GSN: variants seen among roughly 807,000 people sequenced by gnomAD.
GSN encodes the protein gelsolin.
In GSN, 56 loss-of-function variants were observed where a neutral mutation model predicts 85.7. That is an observed-to-expected ratio of 0.65 (90% CI 0.53 to 0.82). GSN has a LOEUF of 0.82. Among genes scored for constraint, GSN ranks in the 40% least tolerant of loss-of-function variants. The pLI is 0.00. For synonymous variants in GSN, 373 were observed against 399.1 expected, an observed-to-expected ratio of 0.93 and a Z score of 0.78; for missense variants, 857 against 979.8, an observed-to-expected ratio of 0.87 and a Z score of 1.67.
intron 4 of GSN, among the ~76,000 whole-genome samples, chr9:121,230,789 T>C (rs1414353526): frequency 6.6e-6 from 1 of 152,210 alleles, no homozygotes; most frequent in East Asian, 1.9e-4. Context: ...CTATTATTAT[T>C]ATTAAAATCT....
intron 4 of GSN, among the ~76,000 whole-genome samples, chr9:121,213,301 T>C (rs79253959): frequency 0.017 from 2,635 of 152,278 alleles, 66 homozygotes; most frequent in African/African-American, 0.058. Flanking sequence ...CCAAAAACTA[T>C]GGGGAAAACC....
upstream of GSN, among the ~76,000 whole-genome samples, chr9:121,206,395 G>A (rs2053882139): frequency 6.6e-6 from 1 of 152,032 alleles, no homozygotes; most frequent in African/African-American, 2.4e-5. Context: ...CTCTGGGTAT[G>A]AAAAAGGATT....
chr9:121,203,179 A>G (rs2053829359), upstream of GSN: 1 of 151,582 alleles, frequency 6.6e-6, no homozygotes, highest in Non-Finnish European at 1.5e-5. Flanking sequence ...TGCGCCTGTA[A>G]TCCTAGCTAC....
intron 2 of GSN, among the ~76,000 whole-genome samples, chr9:121,291,293 A>G (rs1273200123): frequency 1.3e-5 from 2 of 152,052 alleles, no homozygotes; most frequent in African/African-American, 4.8e-5. Context: ...ATACTGTACT[A>G]TGCCATTTTA....
At chr9:121,227,683 T>G (rs180939984) in intron 4 of GSN, among the ~76,000 whole-genome samples, 1 of 152,318 alleles carries the variant, frequency 6.6e-6, no homozygotes, top group Non-Finnish European at 1.5e-5. Context: ...CCTGGAGAAC[T>G]GCTTGGTGTG....
Position 121,292,086 on chromosome 9 carries a change from A to G in GSN, c.-9-9877A>G, listed in dbSNP as rs1287180946. Among the ~76,000 whole-genome samples the G allele has an allele frequency of 2.6e-5, 4 of 152,082 alleles. No individual in the cohort carries two copies. In the East Asian group the frequency reaches 7.7e-4, roughly 29 times the overall value. On this transcript the variant is annotated intron_variant, in intron 2 of 17. Transcript: ENST00000432226. ...TAATTTTTTAATTTTGTGTAGAGAC[A>G]GGGTCTCACTCTGTTTCCCAGGCTG...
chr9:121,275,550 G>GT (rs2056563135), intron 1 of GSN, among the ~76,000 whole-genome samples: 1 of 152,200 alleles, frequency 6.6e-6, no homozygotes. Context: ...CAAAGGAACT[G>GT]TATCGTTCAG....
chr9:121,302,835 C>T lies in GSN; in HGVS notation c.197-76C>T, dbSNP rs991472560. 2.5e-5 allele frequency: 37 copies of T among 1,479,238 alleles called. No individual in the cohort carries two copies. The Middle Eastern group carries it at 9.3e-4, about 37-fold the overall frequency. 91.6% of individuals were successfully genotyped at this position (1,479,238 alleles called of 1,614,324 possible). On this transcript the variant is annotated intron_variant, in intron 3 of 17. Transcript: ENST00000432226. The stretch of plus-strand genomic sequence containing the variant: ...CTAGGTCAGGGCAGTGCTGGGGTTC[C>T]TCCTCCACCTCCTCTTCCTCAGGGG...
intron 6 of GSN, among the ~76,000 whole-genome samples, chr9:121,252,360 T>C (rs1588487165): frequency 1.3e-5 from 2 of 151,932 alleles, no homozygotes; most frequent in African/African-American, 4.8e-5. Context: ...TGGCCAGTGG[T>C]GGATTATGAG....
intron 6 of GSN, among the ~76,000 whole-genome samples, chr9:121,253,420 C>T (rs2132250602): frequency 6.6e-6 from 1 of 152,316 alleles, no homozygotes; most frequent in South Asian, 2.1e-4. Context: ...TGTTATCTTT[C>T]CCTTACCAAG....
intron 2 of GSN, among the ~76,000 whole-genome samples, chr9:121,209,661 T>C (rs1224934901): frequency 1.3e-5 from 2 of 152,216 alleles, no homozygotes; most frequent in Admixed American, 1.3e-4. Flanking sequence ...CCTATGTGAA[T>C]TATTAAGAGA....
At chr9:121,291,410 A>G (rs994319951) in intron 2 of GSN, among the ~76,000 whole-genome samples, 1 of 134,184 alleles carries the variant, frequency 7.5e-6, no homozygotes, top group Non-Finnish European at 1.5e-5. Context: ...ATGTCTCCCC[A>G]CTGGACTTTT....
intron 5 of GSN, chr9:121,239,832 A>T: frequency 1.3e-5 from 3 of 239,412 alleles, no homozygotes; most frequent in Non-Finnish European, 2.6e-5. Flanking sequence ...CAACTTCTAG[A>T]ACTTGCCCAT....
intron 2 of GSN, among the ~76,000 whole-genome samples, chr9:121,287,681 G>T (rs2058282231): frequency 1.4e-5 from 1 of 69,302 alleles, no homozygotes; most frequent in Non-Finnish European, 2.9e-5. Context: ...AAGCGTGTGG[G>T]CTTTTTTTTT....
At chr9:121,232,066 C>A (rs1461781306) in intron 5 of GSN, among the ~76,000 whole-genome samples, 1 of 152,062 alleles carries the variant, frequency 6.6e-6, no homozygotes. Flanking sequence ...GACTCTGTCT[C>A]AAATATATAT....
chr9:121,207,239 G>T (rs1202891500), upstream of GSN, among the ~76,000 whole-genome samples: 3 of 152,166 alleles, frequency 2.0e-5, no homozygotes, highest in Non-Finnish European at 4.4e-5. Flanking sequence ...CATGGATACA[G>T]GCAGAAGATG....
exon 3 of GSN, chr9:121,210,285 C>T (rs1311208413): frequency 1.3e-5 from 2 of 152,220 alleles, no homozygotes; most frequent in African/African-American, 4.8e-5. Flanking sequence ...CCGTTTCTCT[C>T]TCTGGAACGT....
At chr9:121,209,008 T>C (rs754285957) in intron 1 of GSN, among the ~76,000 whole-genome samples, 9 of 152,336 alleles carry the variant, frequency 5.9e-5, no homozygotes, top group Middle Eastern at 3.4e-3. Context: ...TAAATAGCAT[T>C]CCTTTGCCTC....
intron 6 of GSN, among the ~76,000 whole-genome samples, chr9:121,254,156 G>A (rs192625455): frequency 2.0e-5 from 3 of 152,246 alleles, no homozygotes; most frequent in Admixed American, 6.5e-5. Context: ...TTCCTTAAGC[G>A]GTCAGGAGCG....
Sources: gnomAD v4.1 joint callset for allele counts (sites outside exome capture counted in the v4.1 genomes callset) on GRCh38, gnomAD v4.1.1 for gene constraint, MANE v1.5 for transcripts, NCBI Gene and HGNC (gene_info 2026-07-23, HGNC 2026-07-21) for gene names.